S100A8: variants seen among roughly 807,000 people sequenced by gnomAD.
S100A8 encodes protein S100-A8.
A neutral mutation model predicts 4.2 loss-of-function variants in S100A8; 1 was observed. The observed-to-expected ratio is 0.24, with a 90% CI of 0.08 to 1.12. S100A8 has a LOEUF of 1.12. S100A8 is among the 50% of genes most tolerant of loss of function. S100A8 has a pLI of 0.53. For synonymous variants in S100A8, 41 were observed against 44.7 expected (o/e 0.92, Z 0.33); for missense variants, 96 against 111.8 (o/e 0.86, Z 0.64).
the S100A8 span, chr1:153,418,128 A>G: frequency 3.1e-6 from 5 of 1,614,050 alleles, no homozygotes; most frequent in Non-Finnish European, 4.2e-6. Context: ...CATGATCGAC[A>G]TGTTTCACAA....
chr1:153,401,248 T>C, the S100A8 span, among the ~76,000 whole-genome samples: 6 of 152,264 alleles, frequency 3.9e-5, no homozygotes. Flanking sequence ...AAATTACTTT[T>C]ATTTATACAT....
the S100A8 span, among the ~76,000 whole-genome samples, chr1:153,418,672 G>A: frequency 4.6e-5 from 7 of 152,212 alleles, no homozygotes; most frequent in African/African-American, 1.4e-4. Context: ...AAACCTGTGG[G>A]CTACTAGGTA....
chr1:153,401,065 A>C, the S100A8 span, among the ~76,000 whole-genome samples: 1 of 152,188 alleles, frequency 6.6e-6, no homozygotes, highest in South Asian at 2.1e-4. Flanking sequence ...CCATGCCAAT[A>C]CCCAGTGATG....
intron 1 of S100A8, 33 bp from the exon 2 acceptor site, chr1:153,390,590 G>T: frequency 1.2e-6 from 2 of 1,609,504 alleles, no homozygotes; most frequent in South Asian, 2.2e-5. Flanking sequence ...GAATCCCATG[G>T]CAGGGAATTT....
At chr1:153,420,412 C>T in the S100A8 span, 1 of 152,162 alleles carries the variant, frequency 6.6e-6, no homozygotes, top group Non-Finnish European at 1.5e-5. Flanking sequence ...ATCATGTGTC[C>T]CTATCACTCT....
At chr1:153,400,267 G>A in the S100A8 span, among the ~76,000 whole-genome samples, 22 of 152,250 alleles carry the variant, frequency 1.4e-4, no homozygotes, top group East Asian at 2.5e-3. Context: ...GTAAATCACC[G>A]ACTGCAATGT....
At chr1:153,417,394 AG>A in the S100A8 span, 1 of 152,400 alleles carries the variant, frequency 6.6e-6, no homozygotes, top group Non-Finnish European at 1.5e-5. Flanking sequence ...CAGCAGCTTA[AG>A]AACCAGGGAG....
the S100A8 span, among the ~76,000 whole-genome samples, chr1:153,400,609 C>A: frequency 2.0e-4 from 31 of 152,144 alleles, no homozygotes; most frequent in Admixed American, 1.9e-3. Flanking sequence ...GCTGGGTGAG[C>A]CTTCATCTAC....
At chr1:153,417,985 CCTCAG>C in the S100A8 span, 1 of 1,546,584 alleles carries the variant, frequency 6.5e-7, no homozygotes, top group Non-Finnish European at 8.8e-7. Flanking sequence ...TTTACTCTGT[CCTCAG>C]CCCTCCTTCT....
the S100A8 span, among the ~76,000 whole-genome samples, chr1:153,411,103 C>T: frequency 4.6e-5 from 7 of 152,154 alleles, no homozygotes; most frequent in South Asian, 1.0e-3. Flanking sequence ...TACTCCTATT[C>T]AACATAGTGT....
the S100A8 span, among the ~76,000 whole-genome samples, chr1:153,417,042 C>A: frequency 2.0e-5 from 3 of 152,264 alleles, no homozygotes; most frequent in Non-Finnish European, 4.4e-5. Flanking sequence ...CTGGCCTTGG[C>A]CTTGGCCTCA....
the S100A8 span, chr1:153,421,969 C>G: frequency 1.3e-5 from 2 of 152,238 alleles, no homozygotes; most frequent in African/African-American, 4.8e-5. Context: ...ACTCTCCATG[C>G]TTATGTCAAT....
the S100A8 span, chr1:153,419,247 A>G: frequency 1.2e-6 from 2 of 1,614,220 alleles, no homozygotes; most frequent in South Asian, 2.2e-5. Flanking sequence ...GCTGGGAGAC[A>G]TAGCCGCAGA....
At chr1:153,417,846 C>A in the S100A8 span, 2 of 514,226 alleles carry the variant, frequency 3.9e-6, no homozygotes, top group Non-Finnish European at 6.8e-6. Flanking sequence ...TGCCATCCAC[C>A]TGCATCTCTT....
the S100A8 span, among the ~76,000 whole-genome samples, chr1:153,415,506 T>C: frequency 9.7e-4 from 147 of 152,308 alleles, no homozygotes; most frequent in African/African-American, 3.3e-3. Flanking sequence ...CAGGGACTCC[T>C]GTGCCTTCCC....
chr1:153,393,050 A>C (rs1662138031), upstream of S100A8, among the ~76,000 whole-genome samples: 1 of 152,238 alleles, frequency 6.6e-6, no homozygotes, highest in East Asian at 1.9e-4. Flanking sequence ...CCCATTGTAC[A>C]GATGAGGAAA....
upstream of S100A8, among the ~76,000 whole-genome samples, chr1:153,391,547 G>T (rs1014508835): frequency 6.6e-6 from 1 of 152,198 alleles, no homozygotes; most frequent in Non-Finnish European, 1.5e-5. Flanking sequence ...GAGAACACGT[G>T]TCCTGGCTGA....
the S100A8 span, among the ~76,000 whole-genome samples, chr1:153,414,357 A>T: frequency 2.0e-5 from 3 of 152,250 alleles, no homozygotes; most frequent in African/African-American, 7.2e-5. Flanking sequence ...TACAAAAGAC[A>T]TATCAGACTT....
At chr1:153,403,166 C>T in the S100A8 span, among the ~76,000 whole-genome samples, 1 of 152,150 alleles carries the variant, frequency 6.6e-6, no homozygotes, top group Non-Finnish European at 1.5e-5. Flanking sequence ...TATTCAAGAC[C>T]TCAGTCTTGA....
Sources: allele counts gnomAD v4.1 joint callset (sites outside exome capture counted in the v4.1 genomes callset), GRCh38; gene constraint gnomAD v4.1.1; transcripts MANE v1.5; gene names NCBI Gene and HGNC (gene_info 2026-07-23, HGNC 2026-07-21).